Variants in CST5 observed in about 807,000 individuals in gnomAD.
CST5 encodes cystatin-D.
CST5 carries 13 observed loss-of-function variants against 11.5 expected under a neutral mutation model. The observed-to-expected ratio is 1.13, with a 90% CI of 0.73 to 1.79. The LOEUF is 1.79. Among genes scored for constraint, CST5 ranks in the 40% most tolerant of loss-of-function variants. CST5 has a pLI of 0.00. For missense variants in CST5, 219 were observed against 174.5 expected, an observed-to-expected ratio of 1.25 and a Z score of -1.44; for synonymous variants, 81 against 67.6, an observed-to-expected ratio of 1.20 and a Z score of -0.97.
At position 23,877,452 on chromosome 20, in the gene CST5, T is replaced by C. The variant is rs945178243; in HGVS notation, c.345+53A>G. On this transcript the variant is annotated intron_variant, in intron 2 of 2. Coordinates refer to ENST00000304710, the MANE Select transcript of CST5 (RefSeq NM_001900.5). ...GCACACACACATACACACACACACA[T>C]GCACACACTGCTCTGCGGTACTTGA... The C allele has an allele frequency of 2.9e-6, 4 of 1,356,148 alleles. No homozygotes were observed. In the African/African-American group the frequency reaches 4.3e-5, roughly 15 times the overall value. The allele number at this position is 1,356,148 out of a possible 1,614,324, so 84.0% of individuals were successfully genotyped here.
At chr20:23,877,007 C>A (rs1320945463) in intron 2 of CST5, among the ~76,000 whole-genome samples, 2 of 152,094 alleles carry the variant, frequency 1.3e-5, no homozygotes, top group Non-Finnish European at 2.9e-5. Flanking sequence ...CTAAAGTCTT[C>A]CTAGCAAAAC....
chr20:23,876,488 G>A (rs1985963619), intron 2 of CST5, among the ~76,000 whole-genome samples: 1 of 152,128 alleles, frequency 6.6e-6, no homozygotes. Flanking sequence ...GGTGACATTG[G>A]GCCTTCACCC....
chr20:23,876,227 A>G lies in CST5; in HGVS notation c.390T>C (p.Asp130=). The G allele has an allele frequency of 6.2e-7, 1 of 1,613,936 alleles. No individual in the cohort carries two copies. Among genetic ancestry groups the G allele is most frequent in the Non-Finnish European group, 8.5e-7 (1 of 1,179,848 alleles). Residue 130 remains aspartate (D), a synonymous_variant, in exon 3 of 3, where the codon GAT becomes GAC. Transcript: ENST00000304710. The stretch of plus-strand genomic sequence containing the variant: ...ACTTGTAGTTCAGAATGGAAATTTT[A>G]TCCTCCCAGGGAACTTCATTGATCT... ...SFQINEVPWE[D]KISILNYKCR...
chr20:23,876,319 G>T, intron 2 of CST5, 48 bp from the exon 3 acceptor site: 2 of 1,446,296 alleles, frequency 1.4e-6, no homozygotes, highest in Non-Finnish European at 9.7e-7. Context: ...TACAGTTAAA[G>T]CCAAAGATGC....
At chr20:23,878,989 G>A (rs1986021949) in intron 1 of CST5, among the ~76,000 whole-genome samples, 1 of 152,218 alleles carries the variant, frequency 6.6e-6, no homozygotes, top group African/African-American at 2.4e-5. Context: ...GCCTGAGAGT[G>A]AAGGCCACTA....
At chr20:23,877,693 C>G in intron 1 of CST5, 75 bp from the exon 2 acceptor site, 3 of 1,246,326 alleles carry the variant, frequency 2.4e-6, no homozygotes, top group Non-Finnish European at 2.3e-6. Flanking sequence ...TTCACTGTGA[C>G]TGAGTCACTG....
In CST5 at chr20:23,879,655, G is replaced by C. The variant is rs751297032; in HGVS notation, c.22C>G (p.Pro8Ala). 7.4e-6 allele frequency: 12 copies of C among 1,613,918 alleles called. No individual in the cohort carries two copies. The Admixed American group carries it at 1.8e-4, about 25-fold the overall frequency. MMWPMHTPLLLLTALMVA... is the reference protein window; with the variant it reads MMWPMHTALLLLTALMVA... ...ATCAAGGCAGTCAGCAGCAGCAGTG[G>C]GGTGTGCATGGGCCACATCATGTTC... The change falls in exon 1 of 3, where the codon CCA becomes GCA. Residue 8 changes from proline to alanine, a missense_variant. Physicochemically the swap from Pro to Ala is conservative, Grantham distance 27. Coordinates refer to ENST00000304710, the MANE Select transcript of CST5 (RefSeq NM_001900.5).
In CST5 at chr20:23,876,733, G is replaced by C. The variant is rs1305330584; in HGVS notation, c.346-462C>G. On this transcript the variant is annotated intron_variant, in intron 2 of 2. Transcript: ENST00000304710. ...GACAAGGAGAGTGTGGCTCTGCCTT[G>C]AGCAGAGACCTCGAAAGAAATCCTG... Among the ~76,000 whole-genome samples the C allele has an allele frequency of 4.6e-5, 7 of 152,190 alleles. 1 individual carries two copies. Among genetic ancestry groups the C allele is most frequent in the Non-Finnish European group, 1.0e-4 (7 of 68,040 alleles).
intron 1 of CST5, among the ~76,000 whole-genome samples, chr20:23,878,944 C>T (rs978844505): frequency 1.3e-5 from 2 of 152,224 alleles, no homozygotes; most frequent in African/African-American, 4.8e-5. Context: ...CCAGCAGGAA[C>T]TCAGCTGTCC....
chr20:23,876,952 C>T (rs186600267), intron 2 of CST5, among the ~76,000 whole-genome samples: 2 of 152,160 alleles, frequency 1.3e-5, no homozygotes, highest in Non-Finnish European at 2.9e-5. Context: ...CAACAGACAA[C>T]ACCCCAAAGC....
At position 23,877,199 on chromosome 20, in the gene CST5, T is replaced by C. The variant is rs73902196; in HGVS notation, c.345+306A>G. On this transcript the variant is annotated intron_variant, in intron 2 of 2. Transcript: ENST00000304710. Reference sequence around the variant, plus strand: ...ATGTATGCACACATATGCATCTTTCTACATGCATAGCCACATGTGTACACC... The same window carrying C: ...ATGTATGCACACATATGCATCTTTCCACATGCATAGCCACATGTGTACACC... Among the ~76,000 whole-genome samples the C allele has an allele frequency of 5.6e-3, 848 of 152,052 alleles. 5 individuals carry two copies. The highest frequency in any genetic ancestry group is 0.02 in the African/African-American group (815 of 41,462).
At chr20:23,877,713 G>A (rs538302930) in intron 1 of CST5, 95 bp from the exon 2 acceptor site, 2 of 998,596 alleles carry the variant, frequency 2.0e-6, no homozygotes, top group South Asian at 3.0e-5. Flanking sequence ...GGGCTTGCCT[G>A]GGGCTTCATG....
At chr20:23,877,378 C>T (rs182277696) in intron 2 of CST5, 127 bp downstream of exon 2, 2 of 705,274 alleles carry the variant, frequency 2.8e-6, no homozygotes, top group Admixed American at 4.8e-5. Flanking sequence ...CAAATATCTG[C>T]ACACATGCAC....
At position 23,876,069 on chromosome 20, in the gene CST5, C is replaced by G. The variant is rs557446943; in HGVS notation, c.*119G>C. 1.4e-4 allele frequency: 102 copies of G among 709,952 alleles called. 1 individual carries two copies. The South Asian group carries it at 1.9e-3, about 13-fold the overall frequency. The allele number at this position is 709,952 out of a possible 1,614,324, so 44.0% of individuals were successfully genotyped here. On this transcript the variant is annotated 3_prime_UTR_variant, in exon 3 of 3. Transcript: ENST00000304710. ...GCCTCCTGCCACCTTCTGTGTCTGT[C>G]TCCTGGTGCAGGCGCATGAGGAGAC...
intron 2 of CST5, among the ~76,000 whole-genome samples, chr20:23,877,228 C>T (rs1985982993): frequency 6.6e-6 from 1 of 151,998 alleles, no homozygotes; most frequent in South Asian, 2.1e-4. Flanking sequence ...GTACACCATC[C>T]CACACATTCA....
intron 1 of CST5, among the ~76,000 whole-genome samples, chr20:23,878,913 C>T (rs1986020059): frequency 6.6e-6 from 1 of 152,220 alleles, no homozygotes; most frequent in Admixed American, 6.5e-5. Context: ...CTGGCAGAGG[C>T]AGGGTCAGGC....
Position 23,877,532 on chromosome 20 carries a change from G to T in CST5, c.318C>A (p.Pro106=), listed in dbSNP as rs1377134431. ...TKSQPNLDNC[P]FNDQPKLKEE... is the part of the protein sequence containing the mutation. ...CTTTCAGTTTTGGCTGGTCATTGAA[G>T]GGACAGTTGTCCAAGTTGGGCTGGG... The change falls in exon 2 of 3, where the codon CCC becomes CCA. Residue 106 remains proline, a synonymous_variant. Coordinates refer to ENST00000304710, the MANE Select transcript of CST5 (RefSeq NM_001900.5). 1 of 1,614,040 alleles carries T rather than the reference G, an allele frequency of 6.2e-7. No homozygotes were observed.
chr20:23,876,326 A>T, intron 2 of CST5, 55 bp from the exon 3 acceptor site: 1 of 1,380,226 alleles, frequency 7.2e-7, no homozygotes, highest in Non-Finnish European at 1.0e-6. Flanking sequence ...AAAGCCAAAG[A>T]TGCCCAGGAA....
chr20:23,877,774 C>G (rs912802474), intron 1 of CST5, among the ~76,000 whole-genome samples, 156 bp from the exon 2 acceptor site: 1 of 152,232 alleles, frequency 6.6e-6, no homozygotes, highest in Non-Finnish European at 1.5e-5. Flanking sequence ...TGCTGGCTGG[C>G]AGTGGTAGTG....
Sources: gnomAD v4.1 joint callset for allele counts (sites outside exome capture counted in the v4.1 genomes callset) on GRCh38, gnomAD v4.1.1 for gene constraint, MANE v1.5 for transcripts, NCBI Gene and HGNC (gene_info 2026-07-23, HGNC 2026-07-21) for gene names.